The following MYO15A variants were observed in gnomAD, a reference collection of about 807,000 sequenced individuals.
MYO15A encodes the protein unconventional myosin-XV.
MYO15A carries 308 observed loss-of-function variants against 394.6 expected under a neutral mutation model. That is an observed-to-expected ratio of 0.78 (90% CI 0.71 to 0.86). The LOEUF (loss-of-function observed/expected upper bound fraction) is 0.86, where lower values mean the gene tolerates loss of function less well. MYO15A is among the 40% of genes least tolerant of loss of function. The pLI is 0.00. For missense variants in MYO15A, 4,606 were observed against 4,799.1 expected, an observed-to-expected ratio of 0.96 and a Z score of 1.19; for synonymous variants, 1,957 against 2,003.8, an observed-to-expected ratio of 0.98 and a Z score of 0.62.
intron 54 of MYO15A, 96 bp downstream of exon 54, chr17:18,159,443 C>G: frequency 6.6e-7 from 1 of 1,509,938 alleles, no homozygotes; most frequent in Non-Finnish European, 9.2e-7. Context: ...TCTTCAGATT[C>G]TTTCCCTCCC....
chr17:18,133,128 C>T, intron 11 of MYO15A, 97 bp from the exon 12 acceptor site: 2 of 1,316,062 alleles, frequency 1.5e-6, no homozygotes. Context: ...GAGTGACCAA[C>T]TCAGGCCACC....
At chr17:18,137,889 C>G in intron 16 of MYO15A, 1 of 835,922 alleles carries the variant, frequency 1.2e-6, no homozygotes, top group Non-Finnish European at 1.9e-6. Flanking sequence ...GAGGAGTCCC[C>G]TTGGTGGGGG....
chr17:18,143,447 C>CA, intron 25 of MYO15A, 119 bp from the exon 26 acceptor site: 1 of 1,199,152 alleles, frequency 8.3e-7, no homozygotes, highest in South Asian at 1.3e-5. Flanking sequence ...CTCCACACAA[C>CA]AGGCAAGCTG....
At position 18,120,369 on chromosome 17, in the gene MYO15A, C is replaced by T. The variant is rs1369481157; in HGVS notation, c.1569C>T (p.Ser523=). The change falls in exon 2 of 66, where the codon TCC becomes TCT. Residue 523 remains serine (S), a synonymous_variant. Transcript: ENST00000647165. ...ACGAGGAGGAGCTGCCCCCGGTTTC[C>T]GCTGTGCCCTACGGCCACCCTTTCT... is the stretch of plus-strand genomic sequence containing the variant. The part of the protein sequence containing the change: ...EEDEEELPPV[S]AVPYGHPFWG... The T allele has an allele frequency of 1.9e-6, 3 of 1,611,866 alleles. No homozygotes were observed. The highest frequency in any genetic ancestry group is 2.5e-6 in the Non-Finnish European group (3 of 1,179,936).
At chr17:18,156,696 G>A in intron 48 of MYO15A, among the ~76,000 whole-genome samples, 1 of 152,204 alleles carries the variant, frequency 6.6e-6, no homozygotes, top group East Asian at 1.9e-4. Context: ...TGTGCCCCAG[G>A]CCCGAGGAAG....
chr17:18,156,468 TC>T, intron 48 of MYO15A, 132 bp downstream of exon 48: 1 of 1,073,520 alleles, frequency 9.3e-7, no homozygotes, highest in Non-Finnish European at 1.4e-6. Flanking sequence ...GGCTGTGCCT[TC>T]CACTTGGAAT....
At chr17:18,171,887 T>A (rs1269667184) in intron 63 of MYO15A, 116 bp downstream of exon 63, 1 of 1,460,272 alleles carries the variant, frequency 6.8e-7, no homozygotes, top group African/African-American at 1.4e-5. Flanking sequence ...TCAGTGCCAG[T>A]CAAGCTGAGC....
intron 65 of MYO15A, chr17:18,178,023 G>A (rs1044790648): frequency 1.9e-5 from 3 of 154,192 alleles, no homozygotes; most frequent in African/African-American, 7.2e-5. Context: ...CATGGCAACA[G>A]ACAGTTAGAA....
chr17:18,159,160 C>T (rs1050284252), intron 53 of MYO15A, 115 bp from the exon 54 acceptor site: 1 of 1,411,280 alleles, frequency 7.1e-7, no homozygotes. Context: ...TTGGGCCTGG[C>T]TCCCCTTTTG....
intron 56 of MYO15A, chr17:18,160,974 TGACCTC>T (rs2046765507): frequency 2.4e-6 from 1 of 414,306 alleles, no homozygotes; most frequent in East Asian, 5.5e-5. Context: ...TTACCTGGCA[TGACCTC>T]TACACAGTCT....
chr17:18,110,740 C>T (rs1023708783), intron 1 of MYO15A, among the ~76,000 whole-genome samples: 4 of 152,248 alleles, frequency 2.6e-5, no homozygotes, highest in South Asian at 2.1e-4. Flanking sequence ...ATCCCTTTCA[C>T]GGCCATTGGG....
At chr17:18,143,671 G>A in intron 26 of MYO15A, 44 bp from the exon 27 acceptor site, 2 of 1,574,410 alleles carry the variant, frequency 1.3e-6, no homozygotes, top group Non-Finnish European at 1.7e-6. Context: ...CTGGCAGGTG[G>A]GGATGTGGCA....
chr17:18,154,178 C>T lies in MYO15A; in HGVS notation c.8136C>T (p.Leu2712=). The change falls in exon 44 of 66, where the codon CTC becomes CTT. Residue 2712 remains leucine, a synonymous_variant. Transcript: ENST00000647165. ...DSYSHPVQLD[L]LFRQILHDTL... ...ACAGCCATCCTGTGCAGCTTGACCT[C>T]CTGTTCCGGCAGGTGAGGTCCTGTC... is the stretch of plus-strand genomic sequence containing the variant. 6.2e-7 allele frequency: 1 copy of T among 1,614,072 alleles called. No individual in the cohort carries two copies. The highest frequency in any genetic ancestry group is 8.5e-7 in the Non-Finnish European group (1 of 1,180,042).
intron 48 of MYO15A, 124 bp downstream of exon 48, chr17:18,156,460 C>T: frequency 1.8e-6 from 2 of 1,117,994 alleles, no homozygotes; most frequent in Non-Finnish European, 2.6e-6. Flanking sequence ...TTTGCACTGG[C>T]TGTGCCTTCC....
chr17:18,110,702 G>A (rs999740931), intron 1 of MYO15A, among the ~76,000 whole-genome samples: 2 of 152,206 alleles, frequency 1.3e-5, no homozygotes, highest in Admixed American at 6.5e-5. Flanking sequence ...GTAAACATCT[G>A]GAAATGCGAA....
chr17:18,176,421 C>T (rs1418790254), intron 65 of MYO15A: 1 of 152,020 alleles, frequency 6.6e-6, no homozygotes. Flanking sequence ...AGGACTCACT[C>T]ATTACCTTGG....
chr17:18,121,178 C>T lies in MYO15A; in HGVS notation c.2378C>T (p.Ala793Val), dbSNP rs1803109973. 1 of 1,512,268 alleles carries T rather than the reference C, an allele frequency of 6.6e-7. No individual in the cohort carries two copies. Among genetic ancestry groups the T allele is most frequent in the Non-Finnish European group, 8.8e-7 (1 of 1,137,444 alleles). The allele number at this position is 1,512,268 out of a possible 1,614,324, so 93.7% of individuals were successfully genotyped here. Residue 793 changes from alanine to valine, a missense_variant, in exon 2 of 66, where the codon GCG (alanine) becomes GTG (valine). This residue lies in a region of MYO15A where 1,830 missense variants were observed against 1,689.7 expected (regional missense o/e 1.08). Transcript: ENST00000647165. This position sits in a 1 kb window ranked among gnomAD's most constrained non-coding sequence, Gnocchi z 5.3. ...GGCCTCGGCTACTGCTCACCCTTGG[C>T]GCCCCCGTCGCCTCAGCTGTCCTTG... is the stretch of plus-strand genomic sequence containing the variant. ...SPGLGYCSPL[A>V]PPSPQLSLRT...
chr17:18,139,328 C>T, intron 18 of MYO15A: 2 of 660,332 alleles, frequency 3.0e-6, no homozygotes, highest in East Asian at 2.8e-5. Flanking sequence ...GTAGAATGGG[C>T]ACAGGACAAT....
Position 18,120,856 on chromosome 17 carries a change from G to T in MYO15A, c.2056G>T (p.Gly686Cys). The stretch of plus-strand genomic sequence containing the variant: ...GCCGCCGCTCTCCCCGGCGCTCTCG[G>T]GCCTGCCCCGGCCGGCCTCGCCCTA... The part of the protein sequence containing the change: ...PAPPLSPALS[G>C]LPRPASPYGS... Residue 686 changes from glycine to cysteine, a missense_variant, in exon 2 of 66, where the codon GGC (glycine) becomes TGC (cysteine). By Grantham distance (159) the Gly-to-Cys change is radical (BLOSUM62 -3). Around this residue, in one of 2 missense-constraint regions of MYO15A, gnomAD observed 1,830 missense variants for 1,689.7 expected, o/e 1.08. Transcript: ENST00000647165. The T allele has an allele frequency of 8.2e-7, 1 of 1,221,256 alleles. No homozygotes were observed. The highest frequency in any genetic ancestry group is 4.5e-5 in the East Asian group (1 of 22,154). The allele number at this position is 1,221,256 out of a possible 1,614,324, so 75.7% of individuals were successfully genotyped here. A position where few individuals can be genotyped will look rare whatever the true frequency, so the allele number is the denominator to read the frequency against.
Sources: allele counts gnomAD v4.1 joint callset (sites outside exome capture counted in the v4.1 genomes callset), GRCh38; gene constraint gnomAD v4.1.1; regional missense constraint gnomAD v4.1.1; non-coding constraint Gnocchi (gnomAD v3.1); transcripts MANE v1.5; gene names NCBI Gene and HGNC (gene_info 2026-07-23, HGNC 2026-07-21).